The following TENM3 variants were observed in gnomAD, a reference collection of about 807,000 sequenced individuals.
TENM3 encodes teneurin-3.
Under a neutral mutation model 255.1 loss-of-function variants are expected in TENM3, and 63 were observed. The ratio of observed to expected loss-of-function variants is 0.25; its 90% CI spans 0.20 to 0.30. TENM3 has a LOEUF of 0.30. TENM3 is among the 10% of genes least tolerant of loss of function. The pLI, the probability that TENM3 is intolerant of heterozygous loss-of-function variation, is 1.00. For synonymous variants in TENM3, 1,306 were observed against 1,322.3 expected, an observed-to-expected ratio of 0.99 and a Z score of 0.27; for missense variants, 2,929 against 3,461.1, an observed-to-expected ratio of 0.85 and a Z score of 3.86.
At chr4:181,888,298 T>TAGGGTTACAGGCA in the TENM3 span, among the ~76,000 whole-genome samples, 1 of 151,358 alleles carries the variant, frequency 6.6e-6, no homozygotes, top group Non-Finnish European at 1.5e-5. Flanking sequence ...CCCAAAGTGC[T>TAGGGTTACAGGCA]AGGGTTACAG....
intron 3 of TENM3, among the ~76,000 whole-genome samples, chr4:182,570,116 A>C (rs1189217762): frequency 6.6e-6 from 1 of 152,188 alleles, no homozygotes; most frequent in African/African-American, 2.4e-5. Context: ...ATCGAGGCAA[A>C]AGATGATGAA....
At chr4:182,623,728 G>C (rs894474122) in intron 4 of TENM3, among the ~76,000 whole-genome samples, 2 of 152,050 alleles carry the variant, frequency 1.3e-5, no homozygotes, top group Non-Finnish European at 2.9e-5. Context: ...GAGCACAGCA[G>C]GGAGCTTCTG....
the TENM3 span, among the ~76,000 whole-genome samples, chr4:181,733,986 C>T: frequency 6.6e-6 from 1 of 152,306 alleles, no homozygotes; most frequent in Admixed American, 6.5e-5. Flanking sequence ...AAGTTCCCAG[C>T]AGGCATATTC....
At chr4:181,944,205 G>C in the TENM3 span, among the ~76,000 whole-genome samples, 2 of 151,258 alleles carry the variant, frequency 1.3e-5, no homozygotes, top group African/African-American at 2.4e-5. Flanking sequence ...CTGCCAGCTG[G>C]AGCCCCAGGA....
chr4:182,571,195 A>G (rs1480578295), intron 3 of TENM3, among the ~76,000 whole-genome samples: 1 of 152,188 alleles, frequency 6.6e-6, no homozygotes, highest in Non-Finnish European at 1.5e-5. Flanking sequence ...TATTATCATG[A>G]GGACATGCCC....
chr4:181,647,791 C>A, the TENM3 span, among the ~76,000 whole-genome samples: 1 of 152,040 alleles, frequency 6.6e-6, no homozygotes, highest in East Asian at 1.9e-4. Context: ...TTCTTGGTAG[C>A]GAAGAAACAC....
chr4:182,712,504 CG>C (rs1271053677), intron 12 of TENM3, among the ~76,000 whole-genome samples: 1 of 151,280 alleles, frequency 6.6e-6, no homozygotes, highest in East Asian at 1.9e-4. Context: ...TAAATACAGA[CG>C]GTAATTGTCT....
chr4:182,680,437 AGG>A, intron 9 of TENM3, 88 bp downstream of exon 9: 2 of 1,112,432 alleles, frequency 1.8e-6, no homozygotes, highest in South Asian at 1.3e-5. Flanking sequence ...CAGGAAAGAA[AGG>A]GGGGGGGAGA....
intron 12 of TENM3, among the ~76,000 whole-genome samples, chr4:182,703,634 A>C (rs1758057889): frequency 6.6e-6 from 1 of 152,174 alleles, no homozygotes; most frequent in Admixed American, 6.5e-5. Flanking sequence ...TATATCAATC[A>C]CCTTTGAGAA....
At chr4:182,796,842 C>A in intron 27 of TENM3, 75 bp downstream of exon 27, 1 of 1,148,378 alleles carries the variant, frequency 8.7e-7, no homozygotes, top group Non-Finnish European at 1.2e-6. Flanking sequence ...TCAAACTACC[C>A]TTGTGAAAAC....
At chr4:182,261,729 G>A (rs1299443467) in intron 1 of TENM3, among the ~76,000 whole-genome samples, 3 of 152,158 alleles carry the variant, frequency 2.0e-5, no homozygotes, top group Non-Finnish European at 4.4e-5. Flanking sequence ...TGATGCTCCC[G>A]CTTGCCCAGT....
At chr4:182,493,154 C>A (rs544014732) in intron 3 of TENM3, among the ~76,000 whole-genome samples, 1 of 151,960 alleles carries the variant, frequency 6.6e-6, no homozygotes. Flanking sequence ...ACTCTTGTGG[C>A]CTTCTTTTGT....
chr4:181,780,741 G>A, the TENM3 span, among the ~76,000 whole-genome samples: 6,409 of 152,194 alleles, frequency 0.042, 162 homozygotes, highest in East Asian at 0.088. Flanking sequence ...TATTGCTTAG[G>A]TTTTCTTCTA....
chr4:181,842,703 T>C, the TENM3 span, among the ~76,000 whole-genome samples: 14 of 152,346 alleles, frequency 9.2e-5, no homozygotes, highest in Admixed American at 2.6e-4. Context: ...TAAGGTTAGG[T>C]ACACATCATG....
At chr4:182,624,048 C>T (rs1172855268) in intron 4 of TENM3, among the ~76,000 whole-genome samples, 1 of 151,312 alleles carries the variant, frequency 6.6e-6, no homozygotes, top group Non-Finnish European at 1.5e-5. Context: ...CAGGTTTCCT[C>T]TGCTCTCAGG....
At chr4:181,751,962 T>C in the TENM3 span, among the ~76,000 whole-genome samples, 1 of 152,206 alleles carries the variant, frequency 6.6e-6, no homozygotes, top group African/African-American at 2.4e-5. Context: ...ACAGGTTTTT[T>C]GTAATCCATC....
chr4:182,515,562 A>C (rs965361749), intron 3 of TENM3, among the ~76,000 whole-genome samples: 5 of 152,196 alleles, frequency 3.3e-5, no homozygotes, highest in African/African-American at 1.2e-4. Context: ...ATGTATGTAC[A>C]TATGTACACA....
intron 3 of TENM3, among the ~76,000 whole-genome samples, chr4:182,574,582 A>C (rs1182516780): frequency 1.3e-5 from 2 of 152,196 alleles, no homozygotes; most frequent in Non-Finnish European, 2.9e-5. Flanking sequence ...TAACTAAAAC[A>C]CATTAAAATG....
At chr4:182,108,727 T>C in the TENM3 span, among the ~76,000 whole-genome samples, 1 of 152,134 alleles carries the variant, frequency 6.6e-6, no homozygotes, top group East Asian at 1.9e-4. Flanking sequence ...CAAGAGAACA[T>C]GCAATGTATA....
Sources: allele counts gnomAD v4.1 joint callset (sites outside exome capture counted in the v4.1 genomes callset), GRCh38; gene constraint gnomAD v4.1.1; transcripts MANE v1.5; gene names NCBI Gene and HGNC (gene_info 2026-07-23, HGNC 2026-07-21).